SPATA18: variants seen among roughly 807,000 people sequenced by gnomAD.
SPATA18 encodes mitochondria-eating protein.
SPATA18 carries 54 observed loss-of-function variants against 68.1 expected under a neutral mutation model. The observed-to-expected ratio is 0.79, with a 90% confidence interval of 0.64 to 0.99. The LOEUF (loss-of-function observed/expected upper bound fraction) is 0.99, where lower values mean the gene tolerates loss of function less well. Ranked by LOEUF, SPATA18 falls within the 50% of genes least tolerant of loss-of-function variation. The probability of loss-of-function intolerance (pLI) is 0.00; values close to 1 mark genes in which losing one functional copy is unlikely to be tolerated. For missense variants in SPATA18, 724 were observed against 681.1 expected, an observed-to-expected ratio of 1.06 and a Z score of -0.70; for synonymous variants, 242 against 244.8, an observed-to-expected ratio of 0.99 and a Z score of 0.11.
chr4:52,092,853 G>A (rs1742100363), intron 11 of SPATA18, among the ~76,000 whole-genome samples: 1 of 152,138 alleles, frequency 6.6e-6, no homozygotes, highest in Non-Finnish European at 1.5e-5. Flanking sequence ...CAGGAACATG[G>A]ATGGAGCTGA....
intron 4 of SPATA18, among the ~76,000 whole-genome samples, chr4:52,068,944 G>C (rs970510101): frequency 2.0e-5 from 3 of 152,084 alleles, no homozygotes; most frequent in Admixed American, 6.5e-5. Flanking sequence ...ACTCACTGCA[G>C]CTTCAAACTC....
Position 52,072,097 on chromosome 4 carries a change from C to T in SPATA18, c.699C>T (p.Leu233=). 1 of 1,614,024 alleles carries T rather than the reference C, an allele frequency of 6.2e-7. No homozygotes were observed. Among genetic ancestry groups the T allele is most frequent in the Non-Finnish European group, 8.5e-7 (1 of 1,180,022 alleles). ...CCATGTCCGATTATAAGAAACAGCT[C>T]CGAAACCTGAAGGAGGAGATAGCTG... is the stretch of plus-strand genomic sequence containing the variant. The part of the protein sequence containing the change: ...TEAMSDYKKQ[L]RNLKEEIAVL... The change falls in exon 6 of 13, where the codon CTC becomes CTT. Residue 233 remains leucine (L), a synonymous_variant. Coordinates refer to ENST00000295213, the MANE Select transcript of SPATA18 (RefSeq NM_145263.4).
chr4:52,070,558 T>C (rs1451894920), intron 5 of SPATA18, among the ~76,000 whole-genome samples: 4 of 146,668 alleles, frequency 2.7e-5, no homozygotes, highest in Non-Finnish European at 6.0e-5. Flanking sequence ...GGGGGAGGGA[T>C]AGCATTAGGA....
intron 7 of SPATA18, 24 bp downstream of exon 7, chr4:52,077,064 C>T (rs370134873): frequency 2.4e-5 from 37 of 1,572,386 alleles, no homozygotes; most frequent in East Asian, 7.0e-5. Context: ...GCGGGACTCC[C>T]GGCTCCTTAG....
rs556544898 is a variant in SPATA18 at position 52,092,537 on chromosome 4, A to C, written c.1564-1990A>C. ...CATTGGCTTGCCCTCCATGGGCTACACCCTCTGTCCAACCAGTTCCAATGA... is the reference window on the plus strand; with the variant it reads ...CATTGGCTTGCCCTCCATGGGCTACCCCCTCTGTCCAACCAGTTCCAATGA... On this transcript the variant is annotated intron_variant, in intron 11 of 12. Coordinates refer to ENST00000295213, the MANE Select transcript of SPATA18 (RefSeq NM_145263.4). Among the ~76,000 whole-genome samples, 428 of 152,262 alleles carry C rather than the reference A, an allele frequency of 2.8e-3. 1 individual carries two copies. The highest frequency in any genetic ancestry group is 0.01 in the Middle Eastern group (3 of 294).
intron 5 of SPATA18, among the ~76,000 whole-genome samples, chr4:52,070,996 C>T (rs370677378): frequency 6.6e-6 from 1 of 152,028 alleles, no homozygotes; most frequent in Non-Finnish European, 1.5e-5. Flanking sequence ...ACTAGGAACA[C>T]TGTTCTATTT....
At chr4:52,093,921 TA>T (rs2109548556) in intron 11 of SPATA18, among the ~76,000 whole-genome samples, 1 of 152,286 alleles carries the variant, frequency 6.6e-6, no homozygotes, top group East Asian at 1.9e-4. Context: ...AAAATACAAA[TA>T]TTTTTGGTTA....
At chr4:52,069,358 T>G (rs969200836) in intron 4 of SPATA18, among the ~76,000 whole-genome samples, 1 of 152,118 alleles carries the variant, frequency 6.6e-6, no homozygotes, top group Non-Finnish European at 1.5e-5. Context: ...TGTGAGGACT[T>G]TATAGGTGGG....
intron 11 of SPATA18, among the ~76,000 whole-genome samples, chr4:52,090,592 G>A (rs1443332453): frequency 1.3e-5 from 2 of 152,130 alleles, no homozygotes; most frequent in African/African-American, 2.4e-5. Flanking sequence ...TTTCTTTAAT[G>A]AACGTTGAAT....
At chr4:52,060,312 GC>G (rs1738715476) in intron 1 of SPATA18, 106 bp from the exon 2 acceptor site, 1 of 793,436 alleles carries the variant, frequency 1.3e-6, no homozygotes. Flanking sequence ...TGCCACAAAA[GC>G]ATACCAGAGC....
At chr4:52,081,620 T>C (rs1560604600) in intron 9 of SPATA18, among the ~76,000 whole-genome samples, 1 of 152,250 alleles carries the variant, frequency 6.6e-6, no homozygotes, top group Admixed American at 6.5e-5. Context: ...CTTTCTTTTT[T>C]AGCCTTCTAA....
chr4:52,052,031 G>C (rs546440406), intron 1 of SPATA18, among the ~76,000 whole-genome samples: 1 of 152,218 alleles, frequency 6.6e-6, no homozygotes, highest in African/African-American at 2.4e-5. Context: ...CGCAGCACTA[G>C]GCTGCGGAGA....
rs1014349070 is a variant in SPATA18, at chr4:52,095,881, G to C, written c.*994G>C. ...CTGTCAAATACTTTTGAAACTTCAC[G>C]TTCAAGATAAGAATGGAATGTTGCT... On this transcript the variant is annotated 3_prime_UTR_variant, in exon 13 of 13. Transcript: ENST00000295213. 1 of 152,092 alleles carries C rather than the reference G, an allele frequency of 6.6e-6. No homozygotes were observed. The highest frequency in any genetic ancestry group is 2.1e-4 in the South Asian group (1 of 4,830). The allele number at this position is 152,092 out of a possible 1,614,324, so 9.4% of individuals were successfully genotyped here. A position where few individuals can be genotyped will look rare whatever the true frequency, so the allele number is the denominator to read the frequency against.
intron 5 of SPATA18, 64 bp from the exon 6 acceptor site, chr4:52,071,853 T>A: frequency 2.6e-6 from 4 of 1,528,752 alleles, no homozygotes; most frequent in Non-Finnish European, 3.5e-6. Flanking sequence ...TACCTTTCCT[T>A]CCTTCCTTCA....
chr4:52,064,183 CTATA>C (rs71193057), intron 4 of SPATA18, among the ~76,000 whole-genome samples: 3 of 145,962 alleles, frequency 2.1e-5, no homozygotes, highest in Non-Finnish European at 3.0e-5. Context: ...CCTTCTCTTT[CTATA>C]TATATATATA....
chr4:52,089,251 AT>A (rs1295110163), intron 11 of SPATA18, among the ~76,000 whole-genome samples: 2 of 151,820 alleles, frequency 1.3e-5, no homozygotes, highest in African/African-American at 4.8e-5. Context: ...GGATTCATTG[AT>A]TTTTTGAAGT....
intron 7 of SPATA18, among the ~76,000 whole-genome samples, chr4:52,078,161 G>T (rs958227302): frequency 1.1e-4 from 16 of 151,014 alleles, no homozygotes; most frequent in African/African-American, 3.7e-4. Flanking sequence ...TACAATATTT[G>T]CTGTCTGGCT....
chr4:52,051,678 G>T lies in SPATA18; in HGVS notation c.-27G>T. On this transcript the variant is annotated 5_prime_UTR_variant, in exon 1 of 13. Coordinates refer to ENST00000295213, the MANE Select transcript of SPATA18 (RefSeq NM_145263.4). ...GGTCCCCCCAAGTCTCCATCGCGCA[G>T]CGTGGGGCCGAGAGGAATAGTGAGC... The T allele has an allele frequency of 6.2e-7, 1 of 1,612,052 alleles. No individual in the cohort carries two copies. Among genetic ancestry groups the T allele is most frequent in the Admixed American group, 1.7e-5 (1 of 60,032 alleles).
intron 1 of SPATA18, among the ~76,000 whole-genome samples, chr4:52,060,104 G>A (rs1479725149): frequency 1.3e-5 from 2 of 152,132 alleles, no homozygotes; most frequent in Non-Finnish European, 2.9e-5. Context: ...TCTGCATTCA[G>A]TTGGCAGAAG....
Sources: allele counts gnomAD v4.1 joint callset (sites outside exome capture counted in the v4.1 genomes callset), GRCh38; gene constraint gnomAD v4.1.1; transcripts MANE v1.5; gene names NCBI Gene and HGNC (gene_info 2026-07-23, HGNC 2026-07-21).